The following DAPK1 variants were observed in gnomAD, a reference collection of about 807,000 sequenced individuals.
DAPK1 encodes death associated protein kinase 1, also known as death-associated protein kinase 1.
DAPK1 carries 56 observed loss-of-function variants against 144.9 expected under a neutral mutation model. That is an observed-to-expected ratio of 0.39 (90% confidence interval 0.31 to 0.48). DAPK1 has a LOEUF of 0.48. Ranked by LOEUF, DAPK1 falls within the 20% of genes least tolerant of loss-of-function variation. The probability of loss-of-function intolerance (pLI) is 0.95; values close to 1 mark genes in which losing one functional copy is unlikely to be tolerated. For synonymous variants in DAPK1, 690 were observed against 749.0 expected (o/e 0.92, Z 1.29); for missense variants, 1,454 against 1,875.4 (o/e 0.78, Z 4.15).
intron 19 of DAPK1, among the ~76,000 whole-genome samples, chr9:87,669,351 G>T (rs1412743993): frequency 1.4e-5 from 2 of 140,958 alleles, no homozygotes; most frequent in Admixed American, 7.2e-5. Flanking sequence ...GGTGGGGGGG[G>T]GTCACTGGGC....
intron 4 of DAPK1, among the ~76,000 whole-genome samples, chr9:87,639,138 C>T (rs1316882323): frequency 1.3e-5 from 2 of 152,114 alleles, no homozygotes; most frequent in South Asian, 4.1e-4. Context: ...CTGGTGTCCC[C>T]TCCCACATAA....
At chr9:87,623,181 C>T (rs913166253) in intron 3 of DAPK1, among the ~76,000 whole-genome samples, 1 of 152,202 alleles carries the variant, frequency 6.6e-6, no homozygotes, top group African/African-American at 2.4e-5. Context: ...TCCTCCTGGG[C>T]CTGCTGGTAT....
Position 87,606,335 on chromosome 9 carries a change from C to G in DAPK1, c.284+1160C>G, listed in dbSNP as rs150247168. ...TGGGTCTCAGCTACAAATTTCTTAA[C>G]CATAAAATGGGGTTAATAATATCTC... On this transcript the variant is annotated intron_variant, in intron 3 of 25. Coordinates refer to ENST00000408954, the MANE Select transcript of DAPK1 (RefSeq NM_004938.4). 6.6e-3 allele frequency among the ~76,000 whole-genome samples: 1,000 copies of G among 152,226 alleles called. 5 individuals are homozygous for G. Among genetic ancestry groups the G allele is most frequent in the Non-Finnish European group, 0.011 (734 of 68,016 alleles).
At chr9:87,646,355 A>G (rs775138377) in intron 12 of DAPK1, 106 bp from the exon 13 acceptor site, 12 of 827,414 alleles carry the variant, frequency 1.5e-5, no homozygotes, top group Non-Finnish European at 2.4e-5. Context: ...TGGTAGCTCT[A>G]TGTCTGTTGA....
intron 2 of DAPK1, among the ~76,000 whole-genome samples, chr9:87,604,350 A>G (rs1176285501): frequency 6.6e-6 from 1 of 152,188 alleles, no homozygotes; most frequent in African/African-American, 2.4e-5. Flanking sequence ...CCAAAACCAC[A>G]AAGATCCCTG....
chr9:87,599,789 C>G (rs1007841926), intron 2 of DAPK1, among the ~76,000 whole-genome samples: 1 of 152,212 alleles, frequency 6.6e-6, no homozygotes, highest in Non-Finnish European at 1.5e-5. Flanking sequence ...ACTGCAAACA[C>G]TAAACCATTG....
intron 3 of DAPK1, among the ~76,000 whole-genome samples, chr9:87,627,143 G>A (rs1829518577): frequency 6.6e-6 from 1 of 152,164 alleles, no homozygotes; most frequent in South Asian, 2.1e-4. Flanking sequence ...CAGCAGGTTG[G>A]CCATGGGGAG....
intron 3 of DAPK1, chr9:87,632,229 G>A: frequency 8.2e-6 from 8 of 976,362 alleles, no homozygotes; most frequent in Non-Finnish European, 8.5e-6. Flanking sequence ...GGATAAAGGA[G>A]GATCGGTATA....
In DAPK1 at chr9:87,693,224, T is replaced by C. The variant is rs36218120; in HGVS notation, c.2414-3783T>C. Among the ~76,000 whole-genome samples, 454 of 151,980 alleles carry C rather than the reference T, an allele frequency of 3.0e-3. 1 individual carries two copies. Among genetic ancestry groups the C allele is most frequent in the African/African-American group, 0.011 (443 of 41,514 alleles). On this transcript the variant is annotated intron_variant, in intron 21 of 25. Transcript: ENST00000408954. ...GACACCAAAAACTTGAATATTTGATTGCTTTATGGTGTCCCATATGTCACA... is the reference window on the plus strand; with the variant it reads ...GACACCAAAAACTTGAATATTTGATCGCTTTATGGTGTCCCATATGTCACA...
intron 3 of DAPK1, among the ~76,000 whole-genome samples, chr9:87,605,744 G>A (rs911304387): frequency 1.3e-5 from 2 of 152,174 alleles, no homozygotes; most frequent in African/African-American, 2.4e-5. Flanking sequence ...CATGCCCGTC[G>A]GATGTTATTA....
At chr9:87,652,101 C>G (rs576536866) in intron 17 of DAPK1, among the ~76,000 whole-genome samples, 2 of 148,806 alleles carry the variant, frequency 1.3e-5, no homozygotes, top group South Asian at 2.2e-4. Context: ...TGTGTCCATC[C>G]CCCCGATCCT....
chr9:87,518,099 G>GGTTTTTT (rs763027342), intron 2 of DAPK1, among the ~76,000 whole-genome samples: 2 of 126,046 alleles, frequency 1.6e-5, no homozygotes, highest in African/African-American at 6.9e-5. Flanking sequence ...TGCCGTTTAT[G>GGTTTTTT]TTGTTGTTTT....
chr9:87,610,050 A>G (rs2118986619), intron 3 of DAPK1, among the ~76,000 whole-genome samples: 1 of 152,314 alleles, frequency 6.6e-6, no homozygotes, highest in South Asian at 2.1e-4. Flanking sequence ...TGTCCTTTGT[A>G]CAGAAACTAT....
chr9:87,669,252 C>T (rs1316891978), intron 19 of DAPK1, among the ~76,000 whole-genome samples: 1 of 151,294 alleles, frequency 6.6e-6, no homozygotes, highest in East Asian at 1.9e-4. Context: ...ACGATAATGT[C>T]TAGTAAAGGG....
intron 19 of DAPK1, among the ~76,000 whole-genome samples, chr9:87,673,706 C>T (rs761072270): frequency 3.9e-5 from 6 of 152,124 alleles, no homozygotes; most frequent in Non-Finnish European, 8.8e-5. Context: ...CCCTGAGCGC[C>T]GAGCTTGTTT....
chr9:87,694,787 C>T (rs1159942650), intron 21 of DAPK1, among the ~76,000 whole-genome samples: 2 of 152,224 alleles, frequency 1.3e-5, no homozygotes, highest in African/African-American at 2.4e-5. Context: ...ATAGAGATGC[C>T]GAGGCCATTG....
chr9:87,607,175 C>T (rs12343732), intron 3 of DAPK1, among the ~76,000 whole-genome samples: 12,698 of 152,084 alleles, frequency 0.083, 1,281 homozygotes, highest in African/African-American at 0.24. Context: ...TGGTGTAATC[C>T]TCACTGTGGC....
Position 87,700,142 on chromosome 9 carries a change from A to C in DAPK1, c.2776A>C (p.Asn926His), listed in dbSNP as rs1275810030. 1 of 1,611,172 alleles carries C rather than the reference A, an allele frequency of 6.2e-7. No individual in the cohort carries two copies. The highest frequency in any genetic ancestry group is 1.7e-5 in the Admixed American group (1 of 60,026). The change falls in exon 24 of 26, where the codon AAT becomes CAT. Residue 926 changes from asparagine (N) to histidine (H), a missense_variant. By Grantham distance (68) the Asn-to-His change is moderately conservative (BLOSUM62 1). Coordinates refer to ENST00000408954, the MANE Select transcript of DAPK1 (RefSeq NM_004938.4). ...NRFGNDLHIS[N>H]KLFVLDAGAS... Reference sequence around the variant, plus strand: ...GTTTGGAAATGATCTTCACATTTCAAATAAGCTGTTTGTTCTGGATGCTGG... The same window carrying C: ...GTTTGGAAATGATCTTCACATTTCACATAAGCTGTTTGTTCTGGATGCTGG...
In DAPK1 at chr9:87,707,418, A is replaced by T; in HGVS notation, c.*54A>T. Reference sequence around the variant, plus strand: ...TTTGGACTGCAGAAGCAAGGGGGTGATGTAGCCCATCCTTCCCTTTGGAGA... The same window carrying T: ...TTTGGACTGCAGAAGCAAGGGGGTGTTGTAGCCCATCCTTCCCTTTGGAGA... On this transcript the variant is annotated 3_prime_UTR_variant, in exon 26 of 26. Coordinates refer to ENST00000408954, the MANE Select transcript of DAPK1 (RefSeq NM_004938.4). This position sits in a 1 kb window ranked among gnomAD's most constrained non-coding sequence, Gnocchi z 4.0. The T allele has an allele frequency of 8.1e-7, 1 of 1,237,828 alleles. No individual in the cohort carries two copies. Among genetic ancestry groups the T allele is most frequent in the Non-Finnish European group, 1.1e-6 (1 of 873,076 alleles). 76.7% of individuals were successfully genotyped at this position (1,237,828 alleles called of 1,614,324 possible). A position where few individuals can be genotyped will look rare whatever the true frequency, so the allele number is the denominator to read the frequency against.
Sources: gnomAD v4.1 joint callset for allele counts (sites outside exome capture counted in the v4.1 genomes callset) on GRCh38, gnomAD v4.1.1 for gene constraint, Gnocchi (gnomAD v3.1) non-coding constraint, MANE v1.5 for transcripts, NCBI Gene and HGNC (gene_info 2026-07-23, HGNC 2026-07-21) for gene names.